The following GPC6 variants were observed in gnomAD, a reference collection of about 807,000 sequenced individuals.
GPC6 encodes glypican-6.
A neutral mutation model predicts 55.2 loss-of-function variants in GPC6; 14 were observed. The ratio of observed to expected loss-of-function variants is 0.25; its 90% CI spans 0.17 to 0.40. GPC6 has a LOEUF of 0.40. GPC6 is among the 10% of genes least tolerant of loss of function. The probability of loss-of-function intolerance (pLI) is 1.00; values close to 1 mark genes in which losing one functional copy is unlikely to be tolerated. For missense variants in GPC6, 641 were observed against 708.5 expected (o/e 0.90, Z 1.08); for synonymous variants, 278 against 259.6 (o/e 1.07, Z -0.68).
chr13:93,605,155 GTTTCT>G (rs1878186033), intron 2 of GPC6, among the ~76,000 whole-genome samples: 3 of 151,990 alleles, frequency 2.0e-5, no homozygotes, highest in Admixed American at 2.0e-4. Flanking sequence ...CATCCAGTTG[GTTTCT>G]GCACAGATTA....
chr13:94,280,801 T>A (rs978166674), intron 4 of GPC6, among the ~76,000 whole-genome samples: 1 of 152,212 alleles, frequency 6.6e-6, no homozygotes, highest in African/African-American at 2.4e-5. Flanking sequence ...AGAGCAAAAT[T>A]GGGTGCCATG....
chr13:94,194,486 T>G (rs932580352), intron 4 of GPC6, among the ~76,000 whole-genome samples: 12 of 152,130 alleles, frequency 7.9e-5, no homozygotes, highest in African/African-American at 2.9e-4. Flanking sequence ...TTATTCTAAG[T>G]GAAGTAACTC....
chr13:93,862,814 A>G (rs561983180), intron 3 of GPC6, among the ~76,000 whole-genome samples: 13 of 151,572 alleles, frequency 8.6e-5, no homozygotes, highest in Non-Finnish European at 1.8e-4. Context: ...TTTCCCTGTG[A>G]AGTGTATGGC....
At chr13:93,604,664 C>T (rs546020759) in intron 2 of GPC6, among the ~76,000 whole-genome samples, 5 of 151,952 alleles carry the variant, frequency 3.3e-5, no homozygotes, top group East Asian at 3.9e-4. Flanking sequence ...AATAGAAGTA[C>T]GCTCTCTGCA....
intron 4 of GPC6, among the ~76,000 whole-genome samples, chr13:94,103,336 G>T (rs1454349051): frequency 6.6e-6 from 1 of 151,986 alleles, no homozygotes; most frequent in African/African-American, 2.4e-5. Flanking sequence ...GAATAGCCCC[G>T]CAGTACAAAT....
the GPC6 span, among the ~76,000 whole-genome samples, chr13:93,220,980 T>C: frequency 6.6e-6 from 1 of 152,176 alleles, no homozygotes; most frequent in Non-Finnish European, 1.5e-5. Flanking sequence ...CCTCCCAGGC[T>C]CTGGTGATCC....
intron 1 of GPC6, among the ~76,000 whole-genome samples, chr13:93,373,134 G>A (rs543809505): frequency 6.6e-6 from 1 of 152,214 alleles, no homozygotes; most frequent in South Asian, 2.1e-4. Flanking sequence ...AGGCAGCATG[G>A]CATCACACAA....
At chr13:93,633,879 GTC>G (rs1409639302) in intron 2 of GPC6, among the ~76,000 whole-genome samples, 1 of 152,066 alleles carries the variant, frequency 6.6e-6, no homozygotes, top group African/African-American at 2.4e-5. Flanking sequence ...ATCCCAGGAA[GTC>G]TCTAATCAGG....
At chr13:93,710,332 T>TACCAA (rs1883009927) in intron 2 of GPC6, among the ~76,000 whole-genome samples, 1 of 151,810 alleles carries the variant, frequency 6.6e-6, no homozygotes, top group African/African-American at 2.4e-5. Context: ...GCACCTCAGG[T>TACCAA]GGACTTTAAA....
intron 4 of GPC6, among the ~76,000 whole-genome samples, chr13:94,282,496 C>G (rs9584209): frequency 0.11 from 16,920 of 152,164 alleles, 1,457 homozygotes; most frequent in African/African-American, 0.23. Flanking sequence ...TTTATGGGAA[C>G]TACAGTTCAA....
intron 2 of GPC6, among the ~76,000 whole-genome samples, chr13:93,821,173 T>C (rs1400694286): frequency 6.6e-6 from 1 of 152,212 alleles, no homozygotes; most frequent in Non-Finnish European, 1.5e-5. Context: ...AAAGTCTCTG[T>C]GATATATCAT....
intron 2 of GPC6, among the ~76,000 whole-genome samples, chr13:93,657,163 A>G (rs190048392): frequency 6.6e-6 from 1 of 152,216 alleles, no homozygotes; most frequent in Admixed American, 6.5e-5. Flanking sequence ...AGCAAAAGGA[A>G]CAAAGTTTGA....
rs567912057 is a variant in GPC6, at chr13:93,332,893, C to A, written c.160+105277C>A. Reference sequence around the variant, plus strand: ...TTTGATTTTTGTATTCAGTGAGAGACATGGGGGTTTCATTCTTTTGCATAT... The same window carrying A: ...TTTGATTTTTGTATTCAGTGAGAGAAATGGGGGTTTCATTCTTTTGCATAT... On this transcript the variant is annotated intron_variant, in intron 1 of 8. Transcript: ENST00000377047. Among the ~76,000 whole-genome samples the A allele has an allele frequency of 2.6e-5, 4 of 152,236 alleles. 1 individual carries two copies. The highest frequency in any genetic ancestry group is 9.6e-5 in the African/African-American group (4 of 41,560).
At chr13:93,742,101 C>A (rs889124086) in intron 2 of GPC6, among the ~76,000 whole-genome samples, 1 of 152,102 alleles carries the variant, frequency 6.6e-6, no homozygotes, top group African/African-American at 2.4e-5. Context: ...TAAGAAAGAA[C>A]ATGTACCAAG....
intron 1 of GPC6, among the ~76,000 whole-genome samples, chr13:93,328,121 C>T (rs1340360086): frequency 1.3e-5 from 2 of 151,818 alleles, no homozygotes; most frequent in Non-Finnish European, 2.9e-5. Context: ...GTAAATTTTA[C>T]TTTTTTGTAA....
intron 4 of GPC6, among the ~76,000 whole-genome samples, chr13:94,240,958 C>T (rs1257601130): frequency 6.6e-6 from 1 of 152,138 alleles, no homozygotes; most frequent in Non-Finnish European, 1.5e-5. Context: ...TGGGAAATGG[C>T]AGGATGAACA....
At chr13:93,520,813 C>G (rs928161851) in intron 1 of GPC6, among the ~76,000 whole-genome samples, 1 of 147,252 alleles carries the variant, frequency 6.8e-6, no homozygotes, top group Non-Finnish European at 1.5e-5. Flanking sequence ...TATAGACAAA[C>G]TATACTATAG....
At chr13:94,252,461 GC>G (rs1349506964) in intron 4 of GPC6, among the ~76,000 whole-genome samples, 12 of 151,920 alleles carry the variant, frequency 7.9e-5, no homozygotes, top group African/African-American at 1.7e-4. Flanking sequence ...TTTATTATGT[GC>G]CCCCATGCTG....
At chr13:93,752,856 A>G (rs976051760) in intron 2 of GPC6, among the ~76,000 whole-genome samples, 2 of 152,166 alleles carry the variant, frequency 1.3e-5, no homozygotes, top group African/African-American at 4.8e-5. Context: ...TGTCATCCCT[A>G]CTGCCGAGGT....
Sources: gnomAD v4.1 joint callset for allele counts (sites outside exome capture counted in the v4.1 genomes callset) on GRCh38, gnomAD v4.1.1 for gene constraint, MANE v1.5 for transcripts, NCBI Gene and HGNC (gene_info 2026-07-23, HGNC 2026-07-21) for gene names.